Variants in RPRD1A observed in about 807,000 individuals in gnomAD.
RPRD1A encodes the protein regulation of nuclear pre-mRNA domain containing 1A.
RPRD1A carries 9 observed loss-of-function variants against 37.8 expected under a neutral mutation model. The ratio of observed to expected loss-of-function variants is 0.24; its 90% CI spans 0.14 to 0.42. RPRD1A has a LOEUF of 0.42. RPRD1A is among the 10% of genes least tolerant of loss of function. The probability of loss-of-function intolerance (pLI) is 1.00; values close to 1 mark genes in which losing one functional copy is unlikely to be tolerated. For missense variants in RPRD1A, 255 were observed against 371.0 expected, an observed-to-expected ratio of 0.69 and a Z score of 2.57; for synonymous variants, 138 against 139.7, an observed-to-expected ratio of 0.99 and a Z score of 0.08.
chr18:35,992,233 A>C lies in RPRD1A; in HGVS notation c.*918T>G, dbSNP rs1360115006. 1.3e-5 allele frequency: 2 copies of C among 152,672 alleles called. No homozygotes were observed. Among genetic ancestry groups the C allele is most frequent in the Admixed American group, 1.3e-4 (2 of 15,286 alleles). 9.5% of individuals were successfully genotyped at this position (152,672 alleles called of 1,614,324 possible). A position where few individuals can be genotyped will look rare whatever the true frequency, so the allele number is the denominator to read the frequency against. On this transcript the variant is annotated 3_prime_UTR_variant, in exon 7 of 7. Transcript: ENST00000399022. ...ACGAATATTGTGTTCTTGAGCTATT[A>C]GAGCTAAAAGTATTATTTTTAAAGT...
intron 4 of RPRD1A, among the ~76,000 whole-genome samples, chr18:36,029,211 C>A (rs1308661358): frequency 6.6e-6 from 1 of 152,194 alleles, no homozygotes; most frequent in African/African-American, 2.4e-5. Context: ...CCTTCTGCTT[C>A]TCCAGTACTG....
intron 1 of RPRD1A, among the ~76,000 whole-genome samples, chr18:36,043,730 T>C (rs1206279537): frequency 1.3e-5 from 2 of 152,222 alleles, no homozygotes; most frequent in African/African-American, 2.4e-5. Flanking sequence ...ACAATTTTTA[T>C]GACCTGAGCA....
chr18:36,038,001 T>A (rs1424764970), intron 1 of RPRD1A, among the ~76,000 whole-genome samples: 2 of 152,142 alleles, frequency 1.3e-5, no homozygotes, highest in African/African-American at 4.8e-5. Context: ...AAGATACGGT[T>A]TGGAATTGGA....
intron 1 of RPRD1A, among the ~76,000 whole-genome samples, chr18:36,036,005 G>A (rs1912165571): frequency 6.6e-6 from 1 of 152,062 alleles, no homozygotes. Flanking sequence ...TCTGGAAACT[G>A]GCTACACAAC....
At chr18:36,027,397 G>A (rs1485470998) in intron 4 of RPRD1A, 87 bp from the exon 5 acceptor site, 46 of 1,398,258 alleles carry the variant, frequency 3.3e-5, no homozygotes, top group Non-Finnish European at 4.0e-5. Context: ...CATCCCTATG[G>A]GCTATTTACT....
At chr18:36,047,899 A>G (rs2144363314) in intron 1 of RPRD1A, among the ~76,000 whole-genome samples, 1 of 152,286 alleles carries the variant, frequency 6.6e-6, no homozygotes, top group South Asian at 2.1e-4. Context: ...CCAAATGTTT[A>G]AAGAATCTTT....
chr18:36,028,942 G>A (rs534961793), intron 4 of RPRD1A, among the ~76,000 whole-genome samples: 6 of 152,268 alleles, frequency 3.9e-5, no homozygotes, highest in South Asian at 4.1e-4. Context: ...CAGGGAGAGC[G>A]GAAGGAGACC....
intron 6 of RPRD1A, among the ~76,000 whole-genome samples, chr18:35,999,677 TG>T (rs939932639): frequency 3.0e-4 from 45 of 152,140 alleles, no homozygotes; most frequent in African/African-American, 1.1e-3. Context: ...CACATCCATA[TG>T]GGGATCTTTA....
At chr18:36,057,687 A>G (rs1414792756) in intron 1 of RPRD1A, among the ~76,000 whole-genome samples, 2 of 152,258 alleles carry the variant, frequency 1.3e-5, no homozygotes, top group East Asian at 3.8e-4. Context: ...ACTTATGAAC[A>G]GAAATGTTCA....
At chr18:35,995,274 T>C (rs961801752) in intron 6 of RPRD1A, among the ~76,000 whole-genome samples, 2 of 150,214 alleles carry the variant, frequency 1.3e-5, no homozygotes, top group African/African-American at 4.9e-5. Context: ...TTTTTTTTTT[T>C]TTTTTTGAGA....
At chr18:36,050,869 T>C (rs1406821988) in intron 1 of RPRD1A, among the ~76,000 whole-genome samples, 5 of 127,694 alleles carry the variant, frequency 3.9e-5, no homozygotes, top group African/African-American at 1.5e-4. Flanking sequence ...TTTTCTTTTC[T>C]TTTTTTTTTT....
At chr18:36,066,549 T>G (rs962206754) in intron 1 of RPRD1A, among the ~76,000 whole-genome samples, 4 of 152,246 alleles carry the variant, frequency 2.6e-5, no homozygotes, top group Admixed American at 6.5e-5. Context: ...TTCTGAATAT[T>G]TTAGTGACAG....
chr18:36,065,760 T>C (rs79902824), intron 1 of RPRD1A, among the ~76,000 whole-genome samples: 2,080 of 152,296 alleles, frequency 0.014, 56 homozygotes, highest in African/African-American at 0.047. Context: ...TTTTGCCAAA[T>C]TGATGAACAT....
Position 36,067,288 on chromosome 18 carries a change from G to A in RPRD1A, c.117C>T (p.Pro39=), listed in dbSNP as rs1225867807. The A allele has an allele frequency of 1.5e-5, 24 of 1,601,358 alleles. No homozygotes were observed. Among genetic ancestry groups the A allele is most frequent in the Non-Finnish European group, 2.0e-5 (23 of 1,174,374 alleles). The part of the protein sequence containing the change: ...WLIHHRKHSR[P]IVTVWERELR... ...GCTCCCGCTCCCACACGGTGACGAT[G>A]GGACGCGAGTGTTTACGGTGGTGAA... Residue 39 remains proline (P), a synonymous_variant, in exon 1 of 7, where the codon CCC becomes CCT. Transcript: ENST00000399022.
intron 6 of RPRD1A, chr18:36,025,346 G>T: frequency 6.8e-6 from 2 of 292,228 alleles, no homozygotes; most frequent in South Asian, 6.6e-5. Flanking sequence ...CCTGACACAT[G>T]AATGTTAACA....
intron 6 of RPRD1A, among the ~76,000 whole-genome samples, chr18:36,018,121 T>C (rs1397377745): frequency 6.6e-6 from 1 of 152,216 alleles, no homozygotes; most frequent in Non-Finnish European, 1.5e-5. Flanking sequence ...TACTGGACTC[T>C]GCTAAAATGA....
At position 36,033,678 on chromosome 18, in the gene RPRD1A, A is replaced by G. The variant is rs1188930197; in HGVS notation, c.281+30T>C. ...AGGACATATGGTACATTTAAAACAG[A>G]TTACCTAATACCCAAAACTATGATC... On this transcript the variant is annotated intron_variant, in intron 2 of 6. Transcript: ENST00000399022. The G allele has an allele frequency of 5.1e-6, 8 of 1,577,582 alleles. No individual in the cohort carries two copies. The South Asian group carries it at 7.1e-5, about 14-fold the overall frequency.
intron 6 of RPRD1A, among the ~76,000 whole-genome samples, chr18:35,998,576 T>G (rs1362657547): frequency 6.6e-6 from 1 of 152,122 alleles, no homozygotes; most frequent in African/African-American, 2.4e-5. Context: ...CCCTAAAGCT[T>G]GTTATCACCT....
chr18:36,027,163 G>C, intron 5 of RPRD1A, 21 bp downstream of exon 5: 2 of 1,613,280 alleles, frequency 1.2e-6, no homozygotes, highest in Non-Finnish European at 1.7e-6. Context: ...AAAAGTTCTG[G>C]ATCACATTTT....
Sources: gnomAD v4.1 joint callset for allele counts (sites outside exome capture counted in the v4.1 genomes callset) on GRCh38, gnomAD v4.1.1 for gene constraint, MANE v1.5 for transcripts, NCBI Gene and HGNC (gene_info 2026-07-23, HGNC 2026-07-21) for gene names.